PPP2R2C: variants seen among roughly 807,000 people sequenced by gnomAD.
The protein encoded by PPP2R2C is protein phosphatase 2, regulatory subunit B, gamma.
In PPP2R2C, 10 loss-of-function variants were observed where a neutral mutation model predicts 45.3. The ratio of observed to expected loss-of-function variants is 0.22; its 90% CI spans 0.14 to 0.37. The LOEUF (loss-of-function observed/expected upper bound fraction) is 0.37, where lower values mean the gene tolerates loss of function less well. PPP2R2C is among the 10% of genes least tolerant of loss of function. The probability of loss-of-function intolerance (pLI) is 1.00; values close to 1 mark genes in which losing one functional copy is unlikely to be tolerated. For missense variants in PPP2R2C, 308 were observed against 619.7 expected (o/e 0.50, Z 5.34); for synonymous variants, 257 against 245.4 (o/e 1.05, Z -0.44).
At chr4:6,361,325 A>G (rs1713709924) in intron 5 of PPP2R2C, among the ~76,000 whole-genome samples, 1 of 152,210 alleles carries the variant, frequency 6.6e-6, no homozygotes, top group South Asian at 2.1e-4. Flanking sequence ...ACCTCAGGTG[A>G]TTCATAAGTG....
intron 1 of PPP2R2C, among the ~76,000 whole-genome samples, chr4:6,458,398 C>T (rs1339490265): frequency 6.6e-6 from 1 of 152,194 alleles, no homozygotes; most frequent in East Asian, 1.9e-4. Context: ...TCCTGACTCT[C>T]AAACAGTGCC....
chr4:6,503,399 T>C (rs1465529092), intron 2 of PPP2R2C, among the ~76,000 whole-genome samples: 4 of 152,206 alleles, frequency 2.6e-5, no homozygotes, highest in African/African-American at 4.8e-5. Context: ...TAGAAGCCCA[T>C]TGCCCAGTTG....
chr4:6,548,825 G>T (rs534562659), intron 1 of PPP2R2C, among the ~76,000 whole-genome samples: 2 of 152,212 alleles, frequency 1.3e-5, no homozygotes, highest in South Asian at 2.1e-4. Context: ...GCAGTCAAGC[G>T]ACTGCCTGCC....
intron 1 of PPP2R2C, among the ~76,000 whole-genome samples, chr4:6,461,810 C>G (rs1721335574): frequency 6.6e-6 from 1 of 152,248 alleles, no homozygotes; most frequent in Non-Finnish European, 1.5e-5. Context: ...ATGTAGTGAC[C>G]AGCTGAGGGG....
At chr4:6,533,784 A>C (rs1724485744) in intron 2 of PPP2R2C, among the ~76,000 whole-genome samples, 1 of 152,164 alleles carries the variant, frequency 6.6e-6, no homozygotes, top group South Asian at 2.1e-4. Context: ...AAATTGGTTC[A>C]ATAAATGAGG....
At chr4:6,518,085 T>G (rs577972033) in intron 2 of PPP2R2C, among the ~76,000 whole-genome samples, 2 of 152,282 alleles carry the variant, frequency 1.3e-5, no homozygotes, top group Admixed American at 6.5e-5. Flanking sequence ...CAAGAGAAAT[T>G]CAAAAGTATT....
intron 2 of PPP2R2C, among the ~76,000 whole-genome samples, chr4:6,482,004 A>G (rs918427777): frequency 7.1e-6 from 1 of 141,778 alleles, no homozygotes. Flanking sequence ...AAAAAAAAAA[A>G]GTAAAAAGGA....
At chr4:6,381,145 T>A in intron 1 of PPP2R2C, 51 bp from the exon 2 acceptor site, 1 of 1,553,390 alleles carries the variant, frequency 6.4e-7, no homozygotes, top group Non-Finnish European at 8.7e-7. Flanking sequence ...AACCCGCCTC[T>A]CCCGGGTGCT....
intron 1 of PPP2R2C, among the ~76,000 whole-genome samples, chr4:6,537,916 T>C (rs1237864170): frequency 6.6e-6 from 1 of 152,110 alleles, no homozygotes; most frequent in Middle Eastern, 3.2e-3. Flanking sequence ...TCCACTTATA[T>C]GAAGTCCTGG....
At chr4:6,550,474 C>G (rs4302525) in intron 1 of PPP2R2C, among the ~76,000 whole-genome samples, 3 of 152,102 alleles carry the variant, frequency 2.0e-5, no homozygotes, top group African/African-American at 7.2e-5. Flanking sequence ...AACGCCAACC[C>G]GAAACACGTG....
rs113456277 is a variant in PPP2R2C, at chr4:6,471,761, G to A, written c.70+399C>T. ...GAAAATTCTGCGGGCTTTGGGCAGG[G>A]CTGAAATGGCAAATCCAGGATTTAA... On this transcript the variant is annotated intron_variant, in intron 1 of 8. Transcript: ENST00000382599. This position sits in a 1 kb window ranked among gnomAD's most constrained non-coding sequence, Gnocchi z 5.6. 5.4e-3 allele frequency: 958 copies of A among 176,132 alleles called. 6 individuals are homozygous for A. The highest frequency in any genetic ancestry group is 7.9e-3 in the Non-Finnish European group (659 of 83,796). The allele number at this position is 176,132 out of a possible 1,614,324, so 10.9% of individuals were successfully genotyped here.
At chr4:6,413,099 A>G (rs1718294415) in intron 1 of PPP2R2C, among the ~76,000 whole-genome samples, 1 of 152,146 alleles carries the variant, frequency 6.6e-6, no homozygotes, top group African/African-American at 2.4e-5. Flanking sequence ...TTACACAGTC[A>G]TTTTCTTACA....
chr4:6,356,137 C>T lies in PPP2R2C; in HGVS notation c.626-8127G>A, dbSNP rs114038452. Among the ~76,000 whole-genome samples, 856 of 152,212 alleles carry T rather than the reference C, an allele frequency of 5.6e-3. 10 individuals carry two copies. The highest frequency in any genetic ancestry group is 0.02 in the African/African-American group (822 of 41,522). ...CTGCACCTGCTCCAAGGCCCATGAG[C>T]GAGATCTTTTTAGGTTGCAAATACT... is the stretch of plus-strand genomic sequence containing the variant. On this transcript the variant is annotated intron_variant, in intron 5 of 8. Coordinates refer to ENST00000382599, the MANE Select transcript of PPP2R2C (RefSeq NM_020416.4).
chr4:6,502,438 C>T (rs1283099616), intron 2 of PPP2R2C, among the ~76,000 whole-genome samples: 4 of 152,130 alleles, frequency 2.6e-5, no homozygotes, highest in Non-Finnish European at 4.4e-5. Context: ...GCCTCAGCCC[C>T]GGGTGAGTCC....
chr4:6,348,517 C>G (rs1358394659), intron 5 of PPP2R2C: 13 of 447,242 alleles, frequency 2.9e-5, no homozygotes, highest in Non-Finnish European at 3.8e-5. Context: ...CCCCTTCCTG[C>G]CCCCGGCACC....
Position 6,471,211 on chromosome 4 carries a change from C to T in PPP2R2C, c.70+949G>A, listed in dbSNP as rs1394933998. On this transcript the variant is annotated intron_variant, in intron 1 of 8. Coordinates refer to ENST00000382599, the MANE Select transcript of PPP2R2C (RefSeq NM_020416.4). This position sits in a 1 kb window ranked among gnomAD's most constrained non-coding sequence, Gnocchi z 5.6. ...CACTTCTGCGGCCGGGCCGCCAGCCCGTGGGTTAGCGGCTGACAGTCCCCG... is the reference window on the plus strand; with the variant it reads ...CACTTCTGCGGCCGGGCCGCCAGCCTGTGGGTTAGCGGCTGACAGTCCCCG... Among the ~76,000 whole-genome samples the T allele has an allele frequency of 6.6e-6, 1 of 152,174 alleles. No homozygotes were observed. Among genetic ancestry groups the T allele is most frequent in the Non-Finnish European group, 1.5e-5 (1 of 68,020 alleles).
rs1731831976 is a variant in PPP2R2C at position 6,324,977 on chromosome 4, T to C, written c.1053-1384A>G. Among the ~76,000 whole-genome samples the C allele has an allele frequency of 6.6e-6, 1 of 152,190 alleles. No homozygotes were observed. On this transcript the variant is annotated intron_variant, in intron 8 of 8. Transcript: ENST00000382599. The surrounding 1 kb of genome is among the most constrained non-coding windows in gnomAD (Gnocchi z 4.1). ...TTCAGGGAGGAAATCCTGTTTCCTT[T>C]TGGAAGCTGAGCTGGGCTTCCTGAG... is the stretch of plus-strand genomic sequence containing the variant.
chr4:6,519,248 C>T (rs1170987738), intron 2 of PPP2R2C, among the ~76,000 whole-genome samples: 1 of 152,154 alleles, frequency 6.6e-6, no homozygotes, highest in African/African-American at 2.4e-5. Flanking sequence ...GGTTACAGGG[C>T]TTGCCTAGTG....
chr4:6,362,024 G>T (rs1187000551), intron 5 of PPP2R2C, among the ~76,000 whole-genome samples: 1 of 151,990 alleles, frequency 6.6e-6, no homozygotes, highest in Non-Finnish European at 1.5e-5. Flanking sequence ...AATGTTTGGG[G>T]TGTGTGTGTG....
Sources: gnomAD v4.1 joint callset for allele counts (sites outside exome capture counted in the v4.1 genomes callset) on GRCh38, gnomAD v4.1.1 for gene constraint, Gnocchi (gnomAD v3.1) non-coding constraint, MANE v1.5 for transcripts, NCBI Gene and HGNC (gene_info 2026-07-23, HGNC 2026-07-21) for gene names.